PAX2: variants seen among roughly 807,000 people sequenced by gnomAD.
PAX2 encodes the protein paired box 2.
A neutral mutation model predicts 41.7 loss-of-function variants in PAX2; 9 were observed. The observed-to-expected ratio is 0.22, with a 90% CI of 0.13 to 0.38. PAX2 has a LOEUF of 0.38. Among genes scored for constraint, PAX2 ranks in the 10% least tolerant of loss-of-function variants. PAX2 has a pLI of 1.00. For missense variants in PAX2, 418 were observed against 531.6 expected (o/e 0.79, Z 2.10); for synonymous variants, 221 against 212.7 (o/e 1.04, Z -0.34).
Position 100,750,601 on chromosome 10 carries a change from G to C in PAX2, c.213-93G>C. The C allele has an allele frequency of 1.7e-6, 2 of 1,143,028 alleles. No homozygotes were observed. Among genetic ancestry groups the C allele is most frequent in the Non-Finnish European group, 2.6e-6 (2 of 774,576 alleles). The allele number at this position is 1,143,028 out of a possible 1,614,324, so 70.8% of individuals were successfully genotyped here. ...TCCCTCCACTCCGCTGCCTCGGCCG[G>C]GCAGGAGAGTGGCTCAGCAGCTCTG... On this transcript the variant is annotated intron_variant, in intron 2 of 9. Coordinates refer to ENST00000355243, the MANE Select transcript of PAX2 (RefSeq NM_000278.5). This position sits in a 1 kb window ranked among gnomAD's most constrained non-coding sequence, Gnocchi z 4.1.
intron 3 of PAX2, among the ~76,000 whole-genome samples, chr10:100,762,292 C>T (rs755597759): frequency 3.3e-5 from 5 of 152,062 alleles, no homozygotes; most frequent in African/African-American, 9.7e-5. Context: ...CTGTCCACAC[C>T]GGGGTTTCAC....
Position 100,746,150 on chromosome 10 carries a change from A to C in PAX2, c.-111A>C. 4.6e-6 allele frequency: 7 copies of C among 1,535,546 alleles called. No homozygotes were observed. Among genetic ancestry groups the C allele is most frequent in the Admixed American group, 1.8e-5 (1 of 55,880 alleles). ...CGCGCCCCGCAGCAGCCGGGCGTTC[A>C]CTCATCCTCCCTCCCCCACCGTCCC... On this transcript the variant is annotated 5_prime_UTR_variant, in exon 1 of 10. Coordinates refer to ENST00000355243, the MANE Select transcript of PAX2 (RefSeq NM_000278.5).
chr10:100,815,273 GGGAGTCTCCTAGTCTTGTCT>G (rs148311852), intron 7 of PAX2, among the ~76,000 whole-genome samples: 9,952 of 152,228 alleles, frequency 0.065, 468 homozygotes, highest in African/African-American at 0.12. Flanking sequence ...CAAGGAGGCT[GGGAGTCTCCTAGTCTTGTCT>G]GTCAGCTCAA....
chr10:100,789,138 C>T lies in PAX2; in HGVS notation c.616+7773C>T, dbSNP rs539249705. ...TCTCTTTTTTTTGGATGAAGTTTCA[C>T]TCTTGTTGCCCAAGCTGGAGAGCAA... On this transcript the variant is annotated intron_variant, in intron 5 of 9. Transcript: ENST00000355243. Among the ~76,000 whole-genome samples the T allele has an allele frequency of 3.3e-5, 5 of 152,252 alleles. 1 individual carries two copies. In the South Asian group the frequency reaches 8.3e-4, roughly 25 times the overall value.
At position 100,809,034 on chromosome 10, in the gene PAX2, C is replaced by T. The variant is rs34401834; in HGVS notation, c.793-76C>T. 5.4e-4 allele frequency: 771 copies of T among 1,424,630 alleles called. 5 individuals are homozygous for T. The African/African-American group carries it at 9.1e-3, about 17-fold the overall frequency. 88.2% of individuals were successfully genotyped at this position (1,424,630 alleles called of 1,614,324 possible). On this transcript the variant is annotated intron_variant, in intron 6 of 9. Transcript: ENST00000355243. ...CATCTGGGCGGGCTCCCCTGTTCCT[C>T]CTCCCCATCTGCACACCGAGCCCTT...
intron 1 of PAX2, among the ~76,000 whole-genome samples, chr10:100,740,377 G>A (rs1473274983): frequency 1.3e-5 from 2 of 152,224 alleles, no homozygotes; most frequent in Non-Finnish European, 2.9e-5. Context: ...AGGAGGTATA[G>A]ACAGAGGGAA....
At chr10:100,757,699 C>T (rs1326673167) in intron 3 of PAX2, among the ~76,000 whole-genome samples, 1 of 152,228 alleles carries the variant, frequency 6.6e-6, no homozygotes, top group East Asian at 1.9e-4. Context: ...CAAGTCTTTC[C>T]TCAATCATCC....
At chr10:100,762,073 G>A (rs1189454576) in intron 3 of PAX2, among the ~76,000 whole-genome samples, 1 of 152,064 alleles carries the variant, frequency 6.6e-6, no homozygotes, top group Admixed American at 6.5e-5. Context: ...GGAGGAAGCA[G>A]CCCTGCCAGG....
Position 100,828,921 on chromosome 10 carries a change from GC to G in PAX2, c.*1306del, listed in dbSNP as rs1317774196. 1 of 171,118 alleles carries G rather than the reference GC, an allele frequency of 5.8e-6. No individual in the cohort carries two copies. The highest frequency in any genetic ancestry group is 1.2e-5 in the Non-Finnish European group (1 of 81,384). 10.6% of individuals were successfully genotyped at this position (171,118 alleles called of 1,614,324 possible). A position where few individuals can be genotyped will look rare whatever the true frequency, so the allele number is the denominator to read the frequency against. On this transcript the variant is annotated 3_prime_UTR_variant, in exon 10 of 10. Coordinates refer to ENST00000355243, the MANE Select transcript of PAX2 (RefSeq NM_000278.5). This position sits in a 1 kb window ranked among gnomAD's most constrained non-coding sequence, Gnocchi z 6.5. The stretch of plus-strand genomic sequence containing the variant: ...CGGTGTACATAACCCCTCCCCCTCC[GC>G]CCCGCCCCGCCCGGCCCCGTAGAGT...
chr10:100,774,590 A>G (rs1189153457), intron 3 of PAX2, among the ~76,000 whole-genome samples: 1 of 152,200 alleles, frequency 6.6e-6, no homozygotes, highest in South Asian at 2.1e-4. Flanking sequence ...ATCGGCCTAA[A>G]TTGAAAGCAC....
chr10:100,810,773 A>G (rs1207172864), intron 7 of PAX2, among the ~76,000 whole-genome samples: 2 of 152,164 alleles, frequency 1.3e-5, no homozygotes, highest in Admixed American at 6.5e-5. Flanking sequence ...GGGTGGAGCT[A>G]TGGATCTTCA....
chr10:100,752,223 T>C (rs1169431718), intron 3 of PAX2, among the ~76,000 whole-genome samples: 2 of 152,164 alleles, frequency 1.3e-5, no homozygotes, highest in Non-Finnish European at 2.9e-5. Context: ...CAGGGTAACA[T>C]AATACTGATC....
chr10:100,778,135 G>T (rs1054185951), intron 3 of PAX2, among the ~76,000 whole-genome samples: 1 of 152,224 alleles, frequency 6.6e-6, no homozygotes, highest in African/African-American at 2.4e-5. Context: ...GCCCAGAGAA[G>T]TTGAGAGGTG....
chr10:100,799,697 A>G (rs1225588034), intron 5 of PAX2, among the ~76,000 whole-genome samples: 1 of 151,694 alleles, frequency 6.6e-6, no homozygotes, highest in East Asian at 1.9e-4. Flanking sequence ...GAAGAGGTTG[A>G]TGAGTGTAGG....
At position 100,826,866 on chromosome 10, in the gene PAX2, C is replaced by A; in HGVS notation, c.1022-143C>A. On this transcript the variant is annotated intron_variant, in intron 8 of 9. Coordinates refer to ENST00000355243, the MANE Select transcript of PAX2 (RefSeq NM_000278.5). The surrounding 1 kb of genome is among the most constrained non-coding windows in gnomAD (Gnocchi z 5.5). ...GGTGATCGCCCCACCTCCGCCCGGCCCGCCCGCCACGGCCATTACCCTGCC... is the reference window on the plus strand; with the variant it reads ...GGTGATCGCCCCACCTCCGCCCGGCACGCCCGCCACGGCCATTACCCTGCC... The A allele has an allele frequency of 1.5e-6, 1 of 659,414 alleles. No individual in the cohort carries two copies. The highest frequency in any genetic ancestry group is 2.7e-6 in the Non-Finnish European group (1 of 367,400). The allele number at this position is 659,414 out of a possible 1,614,324, so 40.8% of individuals were successfully genotyped here.
At chr10:100,784,715 G>A (rs1223870298) in intron 5 of PAX2, among the ~76,000 whole-genome samples, 1 of 152,172 alleles carries the variant, frequency 6.6e-6, no homozygotes, top group East Asian at 1.9e-4. Flanking sequence ...ATTGGCACTG[G>A]CACTCGGAAT....
At chr10:100,788,673 T>TCA (rs893804726) in intron 5 of PAX2, among the ~76,000 whole-genome samples, 4 of 152,206 alleles carry the variant, frequency 2.6e-5, no homozygotes, top group Non-Finnish European at 5.9e-5. Context: ...GAGTGCTCCC[T>TCA]GCTTGGGAAG....
At chr10:100,810,485 T>TG (rs1379164678) in intron 7 of PAX2, among the ~76,000 whole-genome samples, 1 of 152,136 alleles carries the variant, frequency 6.6e-6, no homozygotes, top group African/African-American at 2.4e-5. Flanking sequence ...CGACCTTAGC[T>TG]GGGTTAGCTG....
chr10:100,783,678 T>TC (rs397783189), intron 5 of PAX2, among the ~76,000 whole-genome samples: 6 of 149,712 alleles, frequency 4.0e-5, no homozygotes, highest in Non-Finnish European at 7.4e-5. Flanking sequence ...TTTTTTTTTT[T>TC]CTGAAAGCAG....
Sources: gnomAD v4.1 joint callset for allele counts (sites outside exome capture counted in the v4.1 genomes callset) on GRCh38, gnomAD v4.1.1 for gene constraint, Gnocchi (gnomAD v3.1) non-coding constraint, MANE v1.5 for transcripts, NCBI Gene and HGNC (gene_info 2026-07-23, HGNC 2026-07-21) for gene names.